The following TRPC4 variants were observed in gnomAD, a reference collection of about 807,000 sequenced individuals.
TRPC4 encodes the protein short transient receptor potential channel 4.
In TRPC4, 49 loss-of-function variants were observed where a neutral mutation model predicts 99.4. The observed-to-expected ratio is 0.49, with a 90% CI of 0.39 to 0.63. The LOEUF (loss-of-function observed/expected upper bound fraction) is 0.63, where lower values mean the gene tolerates loss of function less well. TRPC4 is among the 20% of genes least tolerant of loss of function. The pLI is 0.00. For synonymous variants in TRPC4, 454 were observed against 425.9 expected, an observed-to-expected ratio of 1.07 and a Z score of -0.81; for missense variants, 898 against 1,152.9, an observed-to-expected ratio of 0.78 and a Z score of 3.20.
intron 2 of TRPC4, among the ~76,000 whole-genome samples, chr13:37,752,486 G>A (rs570764742): frequency 6.6e-6 from 1 of 152,050 alleles, no homozygotes; most frequent in African/African-American, 2.4e-5. Context: ...ACAAGGAAGA[G>A]CCGGTCACAG....
chr13:37,779,222 A>G (rs995047319), intron 2 of TRPC4, among the ~76,000 whole-genome samples: 1 of 152,112 alleles, frequency 6.6e-6, no homozygotes, highest in African/African-American at 2.4e-5. Context: ...AAGTCAAGTT[A>G]CCAATCAATG....
At chr13:37,802,567 C>T (rs1232928969) in intron 1 of TRPC4, among the ~76,000 whole-genome samples, 1 of 152,018 alleles carries the variant, frequency 6.6e-6, no homozygotes, top group Non-Finnish European at 1.5e-5. Context: ...CAGTGTATTG[C>T]TGCATGATAC....
At chr13:37,683,493 T>C (rs1046472631) in intron 4 of TRPC4, among the ~76,000 whole-genome samples, 1 of 151,618 alleles carries the variant, frequency 6.6e-6, no homozygotes. Context: ...GTTACAGGAG[T>C]GGAGGGACTG....
chr13:37,714,412 C>G (rs907590560), intron 3 of TRPC4, among the ~76,000 whole-genome samples: 1 of 152,170 alleles, frequency 6.6e-6, no homozygotes, highest in Non-Finnish European at 1.5e-5. Flanking sequence ...CAGGCGTAAG[C>G]CACTGTGCTG....
At chr13:37,764,616 A>T (rs898007447) in intron 2 of TRPC4, among the ~76,000 whole-genome samples, 2 of 151,398 alleles carry the variant, frequency 1.3e-5, no homozygotes, top group African/African-American at 2.4e-5. Flanking sequence ...AATAATGAGA[A>T]AGCTCATTTT....
chr13:37,795,629 G>A (rs553504948), intron 1 of TRPC4, among the ~76,000 whole-genome samples: 2 of 152,286 alleles, frequency 1.3e-5, no homozygotes, highest in East Asian at 3.9e-4. Context: ...GATTCTTAAA[G>A]TAATGGAGAT....
At chr13:37,730,108 G>C (rs896130858) in intron 3 of TRPC4, among the ~76,000 whole-genome samples, 3 of 152,000 alleles carry the variant, frequency 2.0e-5, no homozygotes, top group Non-Finnish European at 2.9e-5. Context: ...TGACTATTCA[G>C]GTTTCCAGCG....
At chr13:37,822,655 T>C (rs561431998) in intron 1 of TRPC4, among the ~76,000 whole-genome samples, 36 of 152,158 alleles carry the variant, frequency 2.4e-4, no homozygotes, top group African/African-American at 8.4e-4. Flanking sequence ...CACATTTTCT[T>C]CATCCAGTCT....
At chr13:37,762,265 T>C (rs1956243529) in intron 2 of TRPC4, among the ~76,000 whole-genome samples, 1 of 151,854 alleles carries the variant, frequency 6.6e-6, no homozygotes, top group African/African-American at 2.4e-5. Flanking sequence ...CCAGCACCTG[T>C]TGTTTCCTGA....
At chr13:37,823,741 A>G (rs374722387) in intron 1 of TRPC4, among the ~76,000 whole-genome samples, 4 of 147,066 alleles carry the variant, frequency 2.7e-5, no homozygotes, top group African/African-American at 1.0e-4. Flanking sequence ...CTTAGGATTG[A>G]CTTGGCGATG....
At chr13:37,663,843 T>G (rs1952540663) in intron 5 of TRPC4, 114 bp from the exon 6 acceptor site, 3 of 1,018,952 alleles carry the variant, frequency 2.9e-6, no homozygotes, top group Non-Finnish European at 1.4e-6. Context: ...TTGATGACTT[T>G]GTTTTCGATT....
At chr13:37,818,451 G>A (rs554502948) in intron 1 of TRPC4, among the ~76,000 whole-genome samples, 9 of 152,048 alleles carry the variant, frequency 5.9e-5, no homozygotes, top group East Asian at 1.9e-4. Context: ...CCATTACTGG[G>A]TATACACCCA....
intron 1 of TRPC4, among the ~76,000 whole-genome samples, chr13:37,868,036 G>T (rs1260010045): frequency 1.3e-5 from 2 of 152,014 alleles, no homozygotes; most frequent in African/African-American, 2.4e-5. Flanking sequence ...ATCGATTAAG[G>T]TTATTTTATA....
At chr13:37,798,436 C>A (rs1204051281) in intron 1 of TRPC4, among the ~76,000 whole-genome samples, 1 of 152,102 alleles carries the variant, frequency 6.6e-6, no homozygotes, top group Non-Finnish European at 1.5e-5. Context: ...ATTACTGATT[C>A]ATCAAAATTA....
rs537174756 is a variant in TRPC4, at chr13:37,855,109, T to C, written c.-28+14486A>G. 4.6e-5 allele frequency: 7 copies of C among 151,730 alleles called. No individual in the cohort carries two copies. The East Asian group carries it at 1.4e-3, about 29-fold the overall frequency. The allele number at this position is 151,730 out of a possible 1,614,324, so 9.4% of individuals were successfully genotyped here. On this transcript the variant is annotated intron_variant, in intron 1 of 10. Transcript: ENST00000379705. ...TACAAGAAACACACTACTATAAAGA[T>C]ACACATAGACTGAAAATAAAGGGTT...
At chr13:37,865,637 AT>A (rs1959692542) in intron 1 of TRPC4, among the ~76,000 whole-genome samples, 1 of 151,732 alleles carries the variant, frequency 6.6e-6, no homozygotes, top group South Asian at 2.1e-4. Flanking sequence ...ATGTTATAAT[AT>A]TTTTAAAATT....
At chr13:37,678,849 A>C (rs184598198) in intron 4 of TRPC4, among the ~76,000 whole-genome samples, 8 of 152,300 alleles carry the variant, frequency 5.3e-5, no homozygotes, top group Admixed American at 5.2e-4. Flanking sequence ...TAGTGAATAA[A>C]AGTTAGCAAT....
At chr13:37,753,596 A>AGAGAGAGAGAGAGAGAGAGG (rs1477439372) in intron 2 of TRPC4, among the ~76,000 whole-genome samples, 2 of 140,938 alleles carry the variant, frequency 1.4e-5, no homozygotes, top group African/African-American at 5.0e-5. Flanking sequence ...AGAGAGAGAG[A>AGAGAGAGAGAGAGAGAGAGG]GAGAGAGAGA....
chr13:37,854,297 TA>T (rs944484288), intron 1 of TRPC4, among the ~76,000 whole-genome samples: 1 of 151,798 alleles, frequency 6.6e-6, no homozygotes, highest in Non-Finnish European at 1.5e-5. Context: ...GAACGAAAAA[TA>T]AAATTATCCT....
Sources: gnomAD v4.1 joint callset for allele counts (sites outside exome capture counted in the v4.1 genomes callset) on GRCh38, gnomAD v4.1.1 for gene constraint, MANE v1.5 for transcripts, NCBI Gene and HGNC (gene_info 2026-07-23, HGNC 2026-07-21) for gene names.